Variants in ACSBG2 observed in about 807,000 individuals in gnomAD.
ACSBG2 encodes long-chain-fatty-acid--CoA ligase ACSBG2.
A neutral mutation model predicts 74.7 loss-of-function variants in ACSBG2; 62 were observed. The observed-to-expected ratio is 0.83, with a 90% CI of 0.68 to 1.03. The LOEUF is 1.03. Ranked by LOEUF, ACSBG2 falls within the 50% of genes least tolerant of loss-of-function variation. ACSBG2 has a pLI of 0.00. For synonymous variants in ACSBG2, 309 were observed against 294.1 expected (o/e 1.05, Z -0.52); for missense variants, 730 against 817.6 (o/e 0.89, Z 1.31).
At chr19:6,140,303 C>T (rs1275167623) in intron 1 of ACSBG2, among the ~76,000 whole-genome samples, 1 of 151,700 alleles carries the variant, frequency 6.6e-6, no homozygotes, top group Non-Finnish European at 1.5e-5. Flanking sequence ...ACTCCAAAGC[C>T]CTCAAACAGT....
rs775682930 is a variant in ACSBG2 at position 6,187,449 on chromosome 19, G to T, written c.1680+27G>T. 3.7e-6 allele frequency: 6 copies of T among 1,613,124 alleles called. No individual in the cohort carries two copies. The South Asian group carries it at 5.5e-5, about 15-fold the overall frequency. On this transcript the variant is annotated intron_variant, in intron 12 of 14. Coordinates refer to ENST00000588485, the MANE Select transcript of ACSBG2 (RefSeq NM_030924.5). Reference sequence around the variant, plus strand: ...TAACATGGGTTTGCTGTCATTGGGGGAAGTCTCTGCAGCCGGTCTTGGGTT... The same window carrying T: ...TAACATGGGTTTGCTGTCATTGGGGTAAGTCTCTGCAGCCGGTCTTGGGTT...
At chr19:6,169,152 T>C (rs1457243240) in intron 7 of ACSBG2, among the ~76,000 whole-genome samples, 1 of 152,246 alleles carries the variant, frequency 6.6e-6, no homozygotes, top group Non-Finnish European at 1.5e-5. Flanking sequence ...ACTCTGTTAA[T>C]TGTTTCTTTT....
At chr19:6,177,498 C>T (rs904262528) in intron 8 of ACSBG2, 102 bp downstream of exon 8, 78 of 1,256,074 alleles carry the variant, frequency 6.2e-5, no homozygotes, top group South Asian at 2.6e-4. Context: ...GGTGAAGCCC[C>T]ATGTCTAACG....
intron 7 of ACSBG2, among the ~76,000 whole-genome samples, chr19:6,168,544 G>A (rs1266277450): frequency 1.3e-5 from 2 of 152,146 alleles, no homozygotes; most frequent in African/African-American, 4.8e-5. Context: ...AGTGCCTGAT[G>A]AGCAGGAGGA....
At chr19:6,190,784 G>C in intron 14 of ACSBG2, 92 bp downstream of exon 14, 1 of 611,928 alleles carries the variant, frequency 1.6e-6, no homozygotes, top group Non-Finnish European at 3.0e-6. Flanking sequence ...GACTGGAACT[G>C]CAGAAAACAC....
chr19:6,148,381 C>T (rs1014843901), intron 3 of ACSBG2: 1 of 152,966 alleles, frequency 6.5e-6, no homozygotes, highest in African/African-American at 2.4e-5. Context: ...GTCAGTGGCT[C>T]ATGTCTGTAA....
intron 6 of ACSBG2, among the ~76,000 whole-genome samples, chr19:6,162,976 G>C (rs115440228): frequency 2.6e-5 from 4 of 151,904 alleles, no homozygotes; most frequent in African/African-American, 9.7e-5. Context: ...AGGGAGAGTA[G>C]AACCTACCAT....
In ACSBG2 at chr19:6,184,427, G is replaced by C. The variant is rs117812229; in HGVS notation, c.1323-1009G>C. Among the ~76,000 whole-genome samples, 285 of 152,070 alleles carry C rather than the reference G, an allele frequency of 1.9e-3. 1 individual carries two copies. The East Asian group carries it at 0.033, about 18-fold the overall frequency. ...CTTCAGTGGGGGAAATCATAAGGCA[G>C]CTCTTTGTAAGTTTTAAATTTCTCA... On this transcript the variant is annotated intron_variant, in intron 10 of 14. Transcript: ENST00000588485.
chr19:6,185,685 T>G, intron 11 of ACSBG2, 32 bp downstream of exon 11: 2 of 1,610,770 alleles, frequency 1.2e-6, no homozygotes, highest in Non-Finnish European at 1.7e-6. Flanking sequence ...GGGAATCTCC[T>G]GCAAGCAGGC....
Position 6,165,861 on chromosome 19 carries a change from C to T in ACSBG2, c.589-5C>T. On this transcript the variant is annotated splice_polypyrimidine_tract_variant and splice_region_variant and intron_variant, in intron 6 of 14. Transcript: ENST00000588485. ...TCATCCTCCGCTTGTCTTTTCTGTC[C>T]ACAGTGGGATGATTTCATGGAACTT... 1 of 1,613,926 alleles carries T rather than the reference C, an allele frequency of 6.2e-7. No individual in the cohort carries two copies. The highest frequency in any genetic ancestry group is 8.5e-7 in the Non-Finnish European group (1 of 1,179,896).
At position 6,187,790 on chromosome 19, in the gene ACSBG2, G is replaced by A. The variant is rs746663861; in HGVS notation, c.1872G>A (p.Arg624=). The change falls in exon 13 of 15, where the codon AGG becomes AGA. Residue 624 remains arginine, a synonymous_variant. Transcript: ENST00000588485. ...AGGAAGCCATGAACAATGCACAGAGGATTGAAAAGTGGGTCATCTTGGAGA... is the reference window on the plus strand; with the variant it reads ...AGGAAGCCATGAACAATGCACAGAGAATTGAAAAGTGGGTCATCTTGGAGA... ...VNQEAMNNAQ[R]IEKWVILEKD... 1.6e-4 allele frequency: 265 copies of A among 1,614,084 alleles called. No individual in the cohort carries two copies. Among genetic ancestry groups the A allele is most frequent in the Non-Finnish European group, 2.2e-4 (257 of 1,180,054 alleles).
At chr19:6,142,340 T>A (rs1300227608) in intron 2 of ACSBG2, among the ~76,000 whole-genome samples, 2 of 152,140 alleles carry the variant, frequency 1.3e-5, no homozygotes, top group Non-Finnish European at 2.9e-5. Flanking sequence ...GGTGACATCA[T>A]AGACAGCTCT....
At chr19:6,188,936 G>A (rs76295794) in intron 13 of ACSBG2, among the ~76,000 whole-genome samples, 8,487 of 152,190 alleles carry the variant, frequency 0.056, 776 homozygotes, top group African/African-American at 0.19. Context: ...TGGAAAACTT[G>A]ACCTTTCACA....
chr19:6,159,669 G>T (rs986902867), intron 5 of ACSBG2, among the ~76,000 whole-genome samples: 12 of 152,186 alleles, frequency 7.9e-5, no homozygotes, highest in Non-Finnish European at 1.3e-4. Context: ...ATTTGGGGGA[G>T]TAATCACAGA....
intron 2 of ACSBG2, among the ~76,000 whole-genome samples, chr19:6,142,544 A>G (rs1228617533): frequency 2.0e-5 from 3 of 152,080 alleles, no homozygotes; most frequent in Non-Finnish European, 4.4e-5. Context: ...CGAGGTCAGG[A>G]GATCGAGACC....
chr19:6,154,406 G>A (rs1324135027), intron 4 of ACSBG2, among the ~76,000 whole-genome samples: 1 of 78,510 alleles, frequency 1.3e-5, no homozygotes, highest in Non-Finnish European at 2.8e-5. Flanking sequence ...CTCAAAAAGA[G>A]AGAGAGAGAG....
intron 11 of ACSBG2, 145 bp downstream of exon 11, chr19:6,185,798 C>T (rs1167925239): frequency 9.0e-6 from 7 of 779,144 alleles, no homozygotes; most frequent in South Asian, 5.3e-5. Context: ...CTGTACAACC[C>T]AGCTCTATCC....
intron 8 of ACSBG2, among the ~76,000 whole-genome samples, chr19:6,182,151 C>G (rs1281245371): frequency 6.6e-6 from 1 of 151,702 alleles, no homozygotes; most frequent in Non-Finnish European, 1.5e-5. Flanking sequence ...ATTGCTTGGG[C>G]TATTCTAGGT....
At chr19:6,190,743 G>A in intron 14 of ACSBG2, 51 bp downstream of exon 14, 2 of 1,242,814 alleles carry the variant, frequency 1.6e-6, no homozygotes, top group Non-Finnish European at 1.2e-6. Context: ...GAGTCCAAGA[G>A]AGGGCTCCAC....
Sources: allele counts gnomAD v4.1 joint callset (sites outside exome capture counted in the v4.1 genomes callset), GRCh38; gene constraint gnomAD v4.1.1; transcripts MANE v1.5; gene names NCBI Gene and HGNC (gene_info 2026-07-23, HGNC 2026-07-21).